Variants in JAZF1 observed in about 807,000 individuals in gnomAD.
The protein encoded by JAZF1 is JAZF zinc finger 1.
A neutral mutation model predicts 26.4 loss-of-function variants in JAZF1; 8 were observed. The observed-to-expected ratio is 0.30, with a 90% CI of 0.18 to 0.55. JAZF1 has a LOEUF of 0.55. JAZF1 is among the 20% of genes least tolerant of loss of function. The pLI is 0.94. For missense variants in JAZF1, 199 were observed against 322.0 expected, an observed-to-expected ratio of 0.62 and a Z score of 2.92; for synonymous variants, 126 against 122.3, an observed-to-expected ratio of 1.03 and a Z score of -0.20.
intron 2 of JAZF1, among the ~76,000 whole-genome samples, chr7:27,920,043 T>C (rs1219648014): frequency 6.6e-6 from 1 of 152,166 alleles, no homozygotes; most frequent in Non-Finnish European, 1.5e-5. Flanking sequence ...CCTTTGGTGT[T>C]TGAGGAACCA....
At chr7:27,882,763 G>A (rs570342320) in intron 3 of JAZF1, among the ~76,000 whole-genome samples, 33 of 152,254 alleles carry the variant, frequency 2.2e-4, no homozygotes, top group African/African-American at 6.5e-4. Context: ...CAAGTTTGCC[G>A]CCGTGATACT....
At chr7:27,968,378 T>C (rs973239796) in intron 2 of JAZF1, among the ~76,000 whole-genome samples, 2 of 152,194 alleles carry the variant, frequency 1.3e-5, no homozygotes, top group Non-Finnish European at 2.9e-5. Context: ...AATGCTTATA[T>C]AAGGTAGAAT....
intron 1 of JAZF1, among the ~76,000 whole-genome samples, chr7:28,092,753 A>G (rs564149980): frequency 6.6e-6 from 1 of 152,148 alleles, no homozygotes; most frequent in South Asian, 2.1e-4. Context: ...CCAGCCACTC[A>G]GGAGGCTGAG....
At chr7:27,955,180 A>C (rs1045974518) in intron 2 of JAZF1, among the ~76,000 whole-genome samples, 2 of 152,342 alleles carry the variant, frequency 1.3e-5, no homozygotes, top group East Asian at 3.9e-4. Context: ...CATGTTCAAC[A>C]TTGGTTTCTG....
chr7:28,014,621 T>C (rs756383389), intron 1 of JAZF1, among the ~76,000 whole-genome samples: 18 of 152,184 alleles, frequency 1.2e-4, no homozygotes, highest in Non-Finnish European at 2.2e-4. Flanking sequence ...TTGTGAGACT[T>C]CCCCAGTCAC....
At chr7:28,171,621 A>G (rs971339264) in intron 1 of JAZF1, among the ~76,000 whole-genome samples, 4 of 152,174 alleles carry the variant, frequency 2.6e-5, no homozygotes, top group Admixed American at 1.3e-4. Flanking sequence ...AAATAATGAT[A>G]TTTATTGAGG....
chr7:28,055,787 C>T (rs1234880611), intron 1 of JAZF1, among the ~76,000 whole-genome samples: 1 of 152,164 alleles, frequency 6.6e-6, no homozygotes, highest in Non-Finnish European at 1.5e-5. Context: ...CTGTTTCCCA[C>T]ACACTGTGCT....
At chr7:27,845,427 A>G (rs1274796102) in intron 3 of JAZF1, among the ~76,000 whole-genome samples, 5 of 152,284 alleles carry the variant, frequency 3.3e-5, no homozygotes, top group African/African-American at 1.2e-4. Context: ...GGCTGGGCGC[A>G]GTGGCTCACG....
chr7:27,834,041 TTCC>T (rs1481096150), intron 4 of JAZF1, among the ~76,000 whole-genome samples: 3 of 152,118 alleles, frequency 2.0e-5, no homozygotes, highest in African/African-American at 7.2e-5. Context: ...AGTGAGCTGT[TTCC>T]TAAAATATTA....
chr7:28,054,628 C>T (rs1783668601), intron 1 of JAZF1, among the ~76,000 whole-genome samples: 1 of 152,068 alleles, frequency 6.6e-6, no homozygotes, highest in Admixed American at 6.6e-5. Flanking sequence ...TCTGCCATTT[C>T]CCTTTAGGAA....
intron 1 of JAZF1, among the ~76,000 whole-genome samples, chr7:28,109,011 A>T (rs1017228576): frequency 6.6e-6 from 1 of 152,246 alleles, no homozygotes; most frequent in African/African-American, 2.4e-5. Flanking sequence ...ACTCATAGAA[A>T]CAGAGGGTAG....
chr7:28,118,767 C>T (rs1338858407), intron 1 of JAZF1, among the ~76,000 whole-genome samples: 1 of 144,240 alleles, frequency 6.9e-6, no homozygotes, highest in African/African-American at 2.5e-5. Flanking sequence ...GTTTTACACA[C>T]ACACACACAC....
chr7:27,857,326 C>A (rs144462643), intron 3 of JAZF1, among the ~76,000 whole-genome samples: 11,507 of 152,318 alleles, frequency 0.076, 638 homozygotes, highest in Middle Eastern at 0.12. Context: ...GCCGAGCCCA[C>A]GCCCACCCGG....
chr7:28,155,103 T>C (rs1476493486), intron 1 of JAZF1, among the ~76,000 whole-genome samples: 1 of 152,124 alleles, frequency 6.6e-6, no homozygotes, highest in African/African-American at 2.4e-5. Context: ...CATCAGTCAC[T>C]AATGAAAATG....
At chr7:28,043,090 A>G (rs1783421568) in intron 1 of JAZF1, among the ~76,000 whole-genome samples, 1 of 152,230 alleles carries the variant, frequency 6.6e-6, no homozygotes, top group South Asian at 2.1e-4. Context: ...GAGCATCACT[A>G]GGGAGTATAT....
intron 3 of JAZF1, among the ~76,000 whole-genome samples, chr7:27,857,695 A>G (rs1204990351): frequency 6.6e-6 from 1 of 152,246 alleles, no homozygotes; most frequent in Non-Finnish European, 1.5e-5. Flanking sequence ...TTCAACATCC[A>G]TTCATGCTAA....
At chr7:27,990,472 C>T (rs1220636594) in intron 2 of JAZF1, among the ~76,000 whole-genome samples, 1 of 151,298 alleles carries the variant, frequency 6.6e-6, no homozygotes, top group Non-Finnish European at 1.5e-5. Flanking sequence ...TAGGTACCTG[C>T]TGTCCAACAT....
chr7:28,083,410 C>A (rs141281523), intron 1 of JAZF1, among the ~76,000 whole-genome samples: 1 of 152,130 alleles, frequency 6.6e-6, no homozygotes, highest in South Asian at 2.1e-4. Context: ...GTTATTGATA[C>A]GTAATGGGAG....
intron 1 of JAZF1, among the ~76,000 whole-genome samples, chr7:28,091,697 G>C (rs1305357820): frequency 2.7e-5 from 4 of 150,820 alleles, no homozygotes; most frequent in African/African-American, 9.7e-5. Flanking sequence ...GAGATCAAAG[G>C]AAAATCTGTT....
Sources: gnomAD v4.1 joint callset for allele counts (sites outside exome capture counted in the v4.1 genomes callset) on GRCh38, gnomAD v4.1.1 for gene constraint, MANE v1.5 for transcripts, NCBI Gene and HGNC (gene_info 2026-07-23, HGNC 2026-07-21) for gene names.